The following UBR7 variants were observed in gnomAD, a reference collection of about 807,000 sequenced individuals.
The protein encoded by UBR7 is ubiquitin protein ligase E3 component n-recognin 7.
Under a neutral mutation model 57.0 loss-of-function variants are expected in UBR7, and 22 were observed. That is an observed-to-expected ratio of 0.39 (90% CI 0.28 to 0.55). UBR7 has a LOEUF of 0.55. Among genes scored for constraint, UBR7 ranks in the 20% least tolerant of loss-of-function variants. The probability of loss-of-function intolerance (pLI) is 0.69; values close to 1 mark genes in which losing one functional copy is unlikely to be tolerated. For synonymous variants in UBR7, 167 were observed against 179.8 expected (o/e 0.93, Z 0.57); for missense variants, 395 against 513.2 (o/e 0.77, Z 2.23).
intron 9 of UBR7, 46 bp from the exon 10 acceptor site, chr14:93,222,267 G>A (rs1187400648): frequency 1.4e-6 from 2 of 1,398,404 alleles, no homozygotes; most frequent in Non-Finnish European, 2.0e-6. Flanking sequence ...GTTTTTGAAA[G>A]CAAATGGTTT....
chr14:93,224,564 A>T (rs893173560), intron 10 of UBR7, among the ~76,000 whole-genome samples: 8 of 151,648 alleles, frequency 5.3e-5, no homozygotes, highest in South Asian at 2.1e-4. Context: ...TTTTTAGTAG[A>T]GACGGGGTTT....
chr14:93,214,380 G>C (rs896237849), intron 4 of UBR7, among the ~76,000 whole-genome samples: 1 of 152,194 alleles, frequency 6.6e-6, no homozygotes, highest in African/African-American at 2.4e-5. Context: ...GGGAGTAAAA[G>C]AAAATCATCC....
chr14:93,216,619 C>CTT (rs113180560), intron 6 of UBR7, among the ~76,000 whole-genome samples: 2,225 of 140,740 alleles, frequency 0.016, 26 homozygotes, highest in South Asian at 0.056. Context: ...GTTTTTCTGC[C>CTT]TTTTTTTTTT....
At chr14:93,208,407 GC>G (rs1412534812) in intron 1 of UBR7, among the ~76,000 whole-genome samples, 2 of 151,136 alleles carry the variant, frequency 1.3e-5, no homozygotes. Context: ...TCCAGACATA[GC>G]CCCAGGTATT....
At chr14:93,208,535 A>G (rs1894415326) in intron 1 of UBR7, among the ~76,000 whole-genome samples, 1 of 152,090 alleles carries the variant, frequency 6.6e-6, no homozygotes, top group Non-Finnish European at 1.5e-5. Flanking sequence ...CCTTTATAAA[A>G]TGGATTCCTT....
chr14:93,226,010 G>A (rs112251193), intron 10 of UBR7, among the ~76,000 whole-genome samples: 8 of 152,324 alleles, frequency 5.3e-5, no homozygotes, highest in African/African-American at 1.9e-4. Context: ...AGTCATTTCA[G>A]GATGTGTTCA....
At chr14:93,220,644 A>C (rs1322082621) in intron 9 of UBR7, among the ~76,000 whole-genome samples, 1 of 152,184 alleles carries the variant, frequency 6.6e-6, no homozygotes, top group African/African-American at 2.4e-5. Context: ...TATTCTGATT[A>C]AGGGTAGATG....
Position 93,229,029 on chromosome 14 carries a change from T to C in UBR7, c.*1994T>C, listed in dbSNP as rs973115334. ...ATTGACTGTATTGGACTGTCTCTTC[T>C]TGTAGAGACTGATTTTGGCCAACAT... On this transcript the variant is annotated 3_prime_UTR_variant, in exon 11 of 11. Coordinates refer to ENST00000013070, the MANE Select transcript of UBR7 (RefSeq NM_175748.4). The C allele has an allele frequency of 2.3e-6, 1 of 431,744 alleles. No homozygotes were observed. The highest frequency in any genetic ancestry group is 4.6e-6 in the Non-Finnish European group (1 of 215,914). 26.7% of individuals were successfully genotyped at this position (431,744 alleles called of 1,614,324 possible).
chr14:93,217,182 A>G (rs1894608251), intron 6 of UBR7, among the ~76,000 whole-genome samples: 1 of 151,964 alleles, frequency 6.6e-6, no homozygotes, highest in Non-Finnish European at 1.5e-5. Flanking sequence ...ATGCACCAGC[A>G]TGCCTAGCTA....
Position 93,224,594 on chromosome 14 carries a change from G to A in UBR7, c.1185+2220G>A, listed in dbSNP as rs796439637. On this transcript the variant is annotated intron_variant, in intron 10 of 10. Coordinates refer to ENST00000013070, the MANE Select transcript of UBR7 (RefSeq NM_175748.4). Reference sequence around the variant, plus strand: ...GGGTTTCACCGTGTTAGCCAGGATGGTCTCGATTTCCTGACCTTGTGATCC... The same window carrying A: ...GGGTTTCACCGTGTTAGCCAGGATGATCTCGATTTCCTGACCTTGTGATCC... Among the ~76,000 whole-genome samples the A allele has an allele frequency of 1.1e-4, 16 of 152,110 alleles. No individual in the cohort carries two copies. The South Asian group carries it at 2.7e-3, about 26-fold the overall frequency.
At chr14:93,223,552 G>A (rs1458860011) in intron 10 of UBR7, 18 of 695,708 alleles carry the variant, frequency 2.6e-5, no homozygotes, top group African/African-American at 1.8e-5. Flanking sequence ...GGGGTGGGGG[G>A]CGTTCCTGAG....
rs747844438 is a variant in UBR7, at chr14:93,218,752, G to C, written c.810+17G>C. 3.1e-6 allele frequency: 5 copies of C among 1,608,640 alleles called. No individual in the cohort carries two copies. Among genetic ancestry groups the C allele is most frequent in the Non-Finnish European group, 3.4e-6 (4 of 1,175,978 alleles). ...GATCTCCAGGTAATGTGTGAAGTAC[G>C]AGCCATCAAGAAATAAGACTGGGCC... is the stretch of plus-strand genomic sequence containing the variant. On this transcript the variant is annotated intron_variant, in intron 7 of 10. Coordinates refer to ENST00000013070, the MANE Select transcript of UBR7 (RefSeq NM_175748.4).
rs1894938880 is a variant in UBR7, at chr14:93,229,168, A to T, written c.*2133A>T. 1 of 335,018 alleles carries T rather than the reference A, an allele frequency of 3.0e-6. No homozygotes were observed. The highest frequency in any genetic ancestry group is 2.2e-5 in the African/African-American group (1 of 46,410). 20.8% of individuals were successfully genotyped at this position (335,018 alleles called of 1,614,324 possible). A position where few individuals can be genotyped will look rare whatever the true frequency, so the allele number is the denominator to read the frequency against. The stretch of plus-strand genomic sequence containing the variant: ...TTACTGGACTTATAATTACATACTT[A>T]ACTCTGATCAGGTTTCTGTAAAATT... On this transcript the variant is annotated 3_prime_UTR_variant, in exon 11 of 11. Coordinates refer to ENST00000013070, the MANE Select transcript of UBR7 (RefSeq NM_175748.4).
At chr14:93,215,147 A>G in intron 5 of UBR7, 29 bp from the exon 6 acceptor site, 1 of 1,548,988 alleles carries the variant, frequency 6.5e-7, no homozygotes, top group Non-Finnish European at 8.7e-7. Flanking sequence ...GGCAATCACA[A>G]GAAAATTTTT....
chr14:93,213,950 G>A (rs1297618394), intron 4 of UBR7, among the ~76,000 whole-genome samples: 4 of 150,820 alleles, frequency 2.7e-5, no homozygotes, highest in African/African-American at 9.8e-5. Context: ...TTTTTAAGAC[G>A]GAGTTTCGCT....
intron 4 of UBR7, among the ~76,000 whole-genome samples, chr14:93,213,112 T>C (rs1358351848): frequency 6.6e-6 from 1 of 151,996 alleles, no homozygotes; most frequent in Non-Finnish European, 1.5e-5. Flanking sequence ...CACTCCAGCC[T>C]GGGTGACAGA....
At chr14:93,226,219 C>A (rs976469909) in intron 10 of UBR7, among the ~76,000 whole-genome samples, 1 of 152,192 alleles carries the variant, frequency 6.6e-6, no homozygotes, top group African/African-American at 2.4e-5. Context: ...CTTTATACCC[C>A]TCTTTCTTAC....
At chr14:93,225,666 T>C (rs1453576119) in intron 10 of UBR7, among the ~76,000 whole-genome samples, 1 of 152,098 alleles carries the variant, frequency 6.6e-6, no homozygotes, top group Non-Finnish European at 1.5e-5. Flanking sequence ...ACTTAGAAAC[T>C]ACACATTTTC....
Position 93,227,082 on chromosome 14 carries a change from C to T in UBR7, c.*47C>T. 7.0e-7 allele frequency: 1 copy of T among 1,422,118 alleles called. No homozygotes were observed. The allele number at this position is 1,422,118 out of a possible 1,614,324, so 88.1% of individuals were successfully genotyped here. On this transcript the variant is annotated 3_prime_UTR_variant, in exon 11 of 11. Coordinates refer to ENST00000013070, the MANE Select transcript of UBR7 (RefSeq NM_175748.4). ...ATTCAAGCCAATGAAAATGCGCTTC[C>T]CATTCTTGGAATAAAAGAGGTGTGG...
Sources: gnomAD v4.1 joint callset for allele counts (sites outside exome capture counted in the v4.1 genomes callset) on GRCh38, gnomAD v4.1.1 for gene constraint, MANE v1.5 for transcripts, NCBI Gene and HGNC (gene_info 2026-07-23, HGNC 2026-07-21) for gene names.